The following SCAI variants were observed in gnomAD, a reference collection of about 807,000 sequenced individuals.
SCAI encodes protein SCAI.
Under a neutral mutation model 92.2 loss-of-function variants are expected in SCAI, and 24 were observed. That is an observed-to-expected ratio of 0.26 (90% CI 0.19 to 0.37). SCAI has a LOEUF of 0.37. Ranked by LOEUF, SCAI falls within the 10% of genes least tolerant of loss-of-function variation. SCAI has a pLI of 1.00. For missense variants in SCAI, 450 were observed against 736.2 expected (o/e 0.61, Z 4.50); for synonymous variants, 261 against 258.6 (o/e 1.01, Z -0.09).
chr9:125,022,581 T>G (rs928348083), intron 6 of SCAI, among the ~76,000 whole-genome samples: 1 of 152,092 alleles, frequency 6.6e-6, no homozygotes, highest in Admixed American at 6.5e-5. Context: ...CTGGGTAATT[T>G]TTTTATTTTT....
At chr9:124,966,088 T>A (rs1831534305) in intron 17 of SCAI, among the ~76,000 whole-genome samples, 1 of 152,220 alleles carries the variant, frequency 6.6e-6, no homozygotes. Context: ...TATGATTTTT[T>A]AAAATTATAC....
At chr9:125,046,353 G>GTGTGTGTA (rs1356414489) in intron 3 of SCAI, among the ~76,000 whole-genome samples, 13 of 110,356 alleles carry the variant, frequency 1.2e-4, no homozygotes, top group East Asian at 2.9e-4. Flanking sequence ...GTGTGTGTGT[G>GTGTGTGTA]TATATATATA....
intron 9 of SCAI, among the ~76,000 whole-genome samples, chr9:125,010,337 G>A (rs773046943): frequency 6.6e-6 from 1 of 152,202 alleles, no homozygotes; most frequent in Non-Finnish European, 1.5e-5. Context: ...CCAATACTGC[G>A]CTTTTCCGAC....
intron 2 of SCAI, among the ~76,000 whole-genome samples, chr9:125,060,202 A>C (rs978129287): frequency 2.5e-4 from 38 of 151,312 alleles, no homozygotes; most frequent in Non-Finnish European, 3.5e-4. Context: ...CTCTGAATTG[A>C]GATGTGCTAT....
At chr9:125,125,835 A>C (rs1314617846) in intron 2 of SCAI, among the ~76,000 whole-genome samples, 1 of 150,992 alleles carries the variant, frequency 6.6e-6, no homozygotes, top group African/African-American at 2.4e-5. Context: ...TTGTCTCAAA[A>C]AAAAAAAAAA....
intron 7 of SCAI, 76 bp from the exon 8 acceptor site, chr9:125,019,281 G>A (rs957665635): frequency 2.7e-6 from 2 of 737,192 alleles, no homozygotes; most frequent in East Asian, 5.4e-5. Context: ...CCATATTCCT[G>A]ACAGAAACCG....
rs1423593631 is a variant in SCAI at position 124,951,758 on chromosome 9, A to G, written c.*1049T>C. ...GAAAACACAAAAAAGAAAAATCTTTATAATATACACTGAGTCCTATTTAAG... is the reference window on the plus strand; with the variant it reads ...GAAAACACAAAAAAGAAAAATCTTTGTAATATACACTGAGTCCTATTTAAG... On this transcript the variant is annotated 3_prime_UTR_variant, in exon 18 of 18. Transcript: ENST00000336505. 2 of 152,228 alleles carry G rather than the reference A, an allele frequency of 1.3e-5. No individual in the cohort carries two copies. The highest frequency in any genetic ancestry group is 4.8e-5 in the African/African-American group (2 of 41,462). The allele number at this position is 152,228 out of a possible 1,614,324, so 9.4% of individuals were successfully genotyped here.
At chr9:125,049,982 G>A (rs749560102) in intron 3 of SCAI, among the ~76,000 whole-genome samples, 1 of 151,708 alleles carries the variant, frequency 6.6e-6, no homozygotes, top group African/African-American at 2.4e-5. Flanking sequence ...GCACTTTTCC[G>A]CAGTCAATTA....
intron 2 of SCAI, among the ~76,000 whole-genome samples, chr9:125,068,298 C>T (rs546878541): frequency 2.6e-5 from 4 of 151,984 alleles, no homozygotes; most frequent in Admixed American, 6.6e-5. Flanking sequence ...GCTAGATGTT[C>T]AAGATCAACC....
Position 124,944,434 on chromosome 9 carries a change from G to C in SCAI, c.*8373C>G, listed in dbSNP as rs1336524806. On this transcript the variant is annotated 3_prime_UTR_variant, in exon 18 of 18. Transcript: ENST00000336505. ...CCTGCCTCAGCCTCCCAAGTAGCTG[G>C]GATTACAGGCGCACACCACCATGCC... 1.3e-5 allele frequency: 2 copies of C among 149,496 alleles called. No individual in the cohort carries two copies. The highest frequency in any genetic ancestry group is 2.9e-5 in the Non-Finnish European group (2 of 68,034). 9.3% of individuals were successfully genotyped at this position (149,496 alleles called of 1,614,324 possible).
chr9:125,042,636 C>CGTGTGTGTGTGTGTGTGT (rs1564390396), intron 3 of SCAI, among the ~76,000 whole-genome samples: 4 of 61,940 alleles, frequency 6.5e-5, no homozygotes, highest in African/African-American at 2.0e-4. Flanking sequence ...TGTGTGTGTA[C>CGTGTGTGTGTGTGTGTGT]ACACACACAC....
chr9:125,046,272 C>CAT (rs1469713185), intron 3 of SCAI, among the ~76,000 whole-genome samples: 2 of 113,316 alleles, frequency 1.8e-5, no homozygotes, highest in East Asian at 2.8e-4. Context: ...TACACACACA[C>CAT]ATATATATAT....
At chr9:125,126,691 G>C (rs755990542) in intron 2 of SCAI, among the ~76,000 whole-genome samples, 8 of 152,124 alleles carry the variant, frequency 5.3e-5, no homozygotes, top group Non-Finnish European at 1.0e-4. Context: ...CTATTCACTA[G>C]AAGTGCATCG....
In SCAI at chr9:124,955,322, CAG is replaced by C. The variant is rs555261951; in HGVS notation, c.1675-2371_1675-2370del. ...GAAACAGAAAAGAGAAACAGCTACTCAGGGGATGGAGATGGGAGGATCTCTTG... is the reference window on the plus strand; with the variant it reads ...GAAACAGAAAAGAGAAACAGCTACTCGGGATGGAGATGGGAGGATCTCTTG... On this transcript the variant is annotated intron_variant, in intron 17 of 17. Coordinates refer to ENST00000336505, the MANE Select transcript of SCAI (RefSeq NM_001144877.3). Among the ~76,000 whole-genome samples the C allele has an allele frequency of 4.1e-4, 63 of 151,962 alleles. No individual in the cohort carries two copies. In the South Asian group the frequency reaches 9.6e-3, roughly 23 times the overall value.
chr9:125,073,135 C>T (rs1453065417), intron 2 of SCAI, among the ~76,000 whole-genome samples: 6 of 90,912 alleles, frequency 6.6e-5, no homozygotes, highest in Non-Finnish European at 1.0e-4. Context: ...GACGGAGTCT[C>T]GCTCGGTCGC....
intron 2 of SCAI, among the ~76,000 whole-genome samples, chr9:125,080,523 C>G (rs531061700): frequency 5.5e-4 from 84 of 152,210 alleles, no homozygotes; most frequent in African/African-American, 1.9e-3. Flanking sequence ...CCAAAAGAAT[C>G]ACTAAAACAA....
chr9:125,013,290 A>T (rs1468764033), intron 9 of SCAI, among the ~76,000 whole-genome samples: 1 of 152,158 alleles, frequency 6.6e-6, no homozygotes, highest in Non-Finnish European at 1.5e-5. Context: ...TAGCAAGACT[A>T]ATAAAGAAGA....
At position 125,018,943 on chromosome 9, in the gene SCAI, A is replaced by G. The variant is rs1029901602; in HGVS notation, c.717T>C (p.Pro239=). The G allele has an allele frequency of 1.9e-6, 3 of 1,612,498 alleles. No individual in the cohort carries two copies. Among genetic ancestry groups the G allele is most frequent in the Admixed American group, 1.7e-5 (1 of 59,530 alleles). The change falls in exon 9 of 18, where the codon CCT becomes CCC. Residue 239 remains proline, a synonymous_variant. Transcript: ENST00000336505. ...QEVAAFIEAD[P]VMVLNDDNTI... is the part of the protein sequence containing the mutation. ...TATTATCATCATTTAATACCATTAC[A>G]GGATCCGCCTAAAGAAAAAAGCAAT...
intron 2 of SCAI, among the ~76,000 whole-genome samples, chr9:125,073,092 A>AT (rs764858681): frequency 0.052 from 3,776 of 72,386 alleles, 639 homozygotes; most frequent in East Asian, 0.074. Flanking sequence ...TCTATTTTTA[A>AT]TTTTTTTTTT....
Sources: allele counts gnomAD v4.1 joint callset (sites outside exome capture counted in the v4.1 genomes callset), GRCh38; gene constraint gnomAD v4.1.1; transcripts MANE v1.5; gene names NCBI Gene and HGNC (gene_info 2026-07-23, HGNC 2026-07-21).